Variants in CUX2 observed in about 807,000 individuals in gnomAD.
The protein encoded by CUX2 is cut like homeobox 2, also known as homeobox protein cut-like 2.
Under a neutral mutation model 144.8 loss-of-function variants are expected in CUX2, and 40 were observed. The ratio of observed to expected loss-of-function variants is 0.28; its 90% CI spans 0.21 to 0.36. The LOEUF is 0.36. Among genes scored for constraint, CUX2 ranks in the 10% least tolerant of loss-of-function variants. The pLI is 1.00. For missense variants in CUX2, 1,615 were observed against 1,994.0 expected, an observed-to-expected ratio of 0.81 and a Z score of 3.62; for synonymous variants, 827 against 875.6, an observed-to-expected ratio of 0.94 and a Z score of 0.98.
At chr12:111,083,151 G>A (rs1033306770) in intron 1 of CUX2, among the ~76,000 whole-genome samples, 1 of 152,098 alleles carries the variant, frequency 6.6e-6, no homozygotes, top group African/African-American at 2.4e-5. Flanking sequence ...ACTGTCCATT[G>A]GGGGTCACGA....
intron 1 of CUX2, among the ~76,000 whole-genome samples, chr12:111,142,383 CTA>C (rs776176525): frequency 1.3e-5 from 2 of 151,976 alleles, no homozygotes; most frequent in Non-Finnish European, 2.9e-5. Context: ...CATCTAATTA[CTA>C]TATTAGAAAA....
chr12:111,153,625 A>G (rs551341998), intron 1 of CUX2, among the ~76,000 whole-genome samples: 73 of 152,320 alleles, frequency 4.8e-4, no homozygotes, highest in African/African-American at 1.6e-3. Context: ...ATATCCATCC[A>G]TCACTGAGCA....
intron 1 of CUX2, among the ~76,000 whole-genome samples, chr12:111,092,837 A>G (rs1275871463): frequency 6.9e-6 from 1 of 145,574 alleles, no homozygotes; most frequent in African/African-American, 2.6e-5. Flanking sequence ...TTTTTTAAGA[A>G]AAGTTCTCAC....
At chr12:111,282,860 G>A (rs570792409) in intron 4 of CUX2, among the ~76,000 whole-genome samples, 40 of 152,038 alleles carry the variant, frequency 2.6e-4, no homozygotes, top group African/African-American at 9.6e-4. Context: ...TTAAATTAAT[G>A]TCCGCACCTC....
At chr12:111,192,164 T>TC (rs1223153176) in intron 1 of CUX2, among the ~76,000 whole-genome samples, 1 of 152,112 alleles carries the variant, frequency 6.6e-6, no homozygotes, top group Non-Finnish European at 1.5e-5. Context: ...TCTTACTCAG[T>TC]CACCTAGGTT....
At chr12:111,194,652 T>A (rs1345832474) in intron 1 of CUX2, among the ~76,000 whole-genome samples, 7 of 152,224 alleles carry the variant, frequency 4.6e-5, no homozygotes, top group Non-Finnish European at 1.0e-4. Context: ...TTCCAGGGCA[T>A]CACCTCGTGG....
At chr12:111,256,961 C>T (rs2136282284) in intron 3 of CUX2, among the ~76,000 whole-genome samples, 1 of 152,188 alleles carries the variant, frequency 6.6e-6, no homozygotes, top group South Asian at 2.1e-4. Context: ...GGAGGGGGCC[C>T]AAATTTTCTG....
At chr12:111,121,219 C>T (rs910583595) in intron 1 of CUX2, among the ~76,000 whole-genome samples, 10 of 151,730 alleles carry the variant, frequency 6.6e-5, no homozygotes, top group Admixed American at 6.6e-4. Context: ...GCTCCAATAA[C>T]CTTTCTATGT....
chr12:111,195,332 A>G (rs529349640), intron 1 of CUX2, among the ~76,000 whole-genome samples: 7 of 152,250 alleles, frequency 4.6e-5, no homozygotes, highest in Non-Finnish European at 8.8e-5. Flanking sequence ...CCTATATTCT[A>G]AGTTTCAACC....
At chr12:111,316,295 C>T (rs1007112941) in intron 16 of CUX2, among the ~76,000 whole-genome samples, 5 of 144,558 alleles carry the variant, frequency 3.5e-5, no homozygotes, top group East Asian at 2.3e-4. Flanking sequence ...TGTGCCACCA[C>T]GCCCGGTTAA....
intron 1 of CUX2, among the ~76,000 whole-genome samples, chr12:111,088,111 C>T (rs75622376): frequency 0.06 from 9,150 of 152,166 alleles, 398 homozygotes; most frequent in East Asian, 0.14. Flanking sequence ...GGTTGGGGAA[C>T]AGGGAATGGA....
intron 1 of CUX2, among the ~76,000 whole-genome samples, chr12:111,128,675 G>A (rs533284728): frequency 6.6e-6 from 1 of 152,266 alleles, no homozygotes; most frequent in South Asian, 2.1e-4. Flanking sequence ...TCTCCACTAA[G>A]GCCCAGTAGC....
At position 111,068,602 on chromosome 12, in the gene CUX2, G is replaced by C. The variant is rs1301535989; in HGVS notation, c.63+34362G>C. 6.6e-6 allele frequency among the ~76,000 whole-genome samples: 1 copy of C among 152,250 alleles called. No homozygotes were observed. The highest frequency in any genetic ancestry group is 1.5e-5 in the Non-Finnish European group (1 of 68,040). On this transcript the variant is annotated intron_variant, in intron 1 of 21. Coordinates refer to ENST00000261726, the MANE Select transcript of CUX2 (RefSeq NM_015267.4). This position sits in a 1 kb window ranked among gnomAD's most constrained non-coding sequence, Gnocchi z 4.9. ...AAAGCGATGCTGGTTTGAGCAGCTGGTGTTTTCTCCTGTGTTCCCGGCAGG... is the reference window on the plus strand; with the variant it reads ...AAAGCGATGCTGGTTTGAGCAGCTGCTGTTTTCTCCTGTGTTCCCGGCAGG...
In CUX2 at chr12:111,143,089, C is replaced by T. The variant is rs111388856; in HGVS notation, c.64-71111C>T. Among the ~76,000 whole-genome samples, 743 of 152,300 alleles carry T rather than the reference C, an allele frequency of 4.9e-3. 4 individuals are homozygous for T. Among genetic ancestry groups the T allele is most frequent in the African/African-American group, 0.017 (695 of 41,556 alleles). ...TTTGCACTTTGTGCCATGAAGTCTC[C>T]TGTCCCCTTTCCTCAAGAGCTGCCA... On this transcript the variant is annotated intron_variant, in intron 1 of 21. Coordinates refer to ENST00000261726, the MANE Select transcript of CUX2 (RefSeq NM_015267.4).
At chr12:111,254,878 C>T (rs1005552587) in intron 3 of CUX2, among the ~76,000 whole-genome samples, 2 of 152,144 alleles carry the variant, frequency 1.3e-5, no homozygotes, top group Non-Finnish European at 2.9e-5. Flanking sequence ...GAGACGGAGC[C>T]TTGCGCTGTC....
chr12:111,143,395 T>A (rs1433471528), intron 1 of CUX2, among the ~76,000 whole-genome samples: 1 of 152,200 alleles, frequency 6.6e-6, no homozygotes, highest in Non-Finnish European at 1.5e-5. Context: ...CACAGAGCCC[T>A]GTCATTCGCA....
intron 1 of CUX2, among the ~76,000 whole-genome samples, chr12:111,146,000 C>T (rs768358525): frequency 1.3e-5 from 2 of 152,148 alleles, no homozygotes; most frequent in Non-Finnish European, 2.9e-5. Flanking sequence ...CCACCACACC[C>T]GGCCCTGGCT....
intron 16 of CUX2, among the ~76,000 whole-genome samples, chr12:111,313,561 G>T (rs1050132672): frequency 5.9e-5 from 9 of 151,628 alleles, no homozygotes; most frequent in Non-Finnish European, 1.3e-4. Flanking sequence ...AGAATCTCTT[G>T]ACCACAGGAG....
chr12:111,141,621 A>G (rs188447342), intron 1 of CUX2, among the ~76,000 whole-genome samples: 142 of 152,268 alleles, frequency 9.3e-4, no homozygotes, highest in African/African-American at 3.3e-3. Context: ...TCACACAGCA[A>G]GTAAGTAGAG....
Sources: gnomAD v4.1 joint callset for allele counts (sites outside exome capture counted in the v4.1 genomes callset) on GRCh38, gnomAD v4.1.1 for gene constraint, Gnocchi (gnomAD v3.1) non-coding constraint, MANE v1.5 for transcripts, NCBI Gene and HGNC (gene_info 2026-07-23, HGNC 2026-07-21) for gene names.